CRACD: variants seen among roughly 807,000 people sequenced by gnomAD.
CRACD encodes the protein capping protein inhibiting regulator of actin dynamics, also known as capping protein-inhibiting regulator of actin dynamics.
In CRACD, 56 loss-of-function variants were observed where a neutral mutation model predicts 106.8. The ratio of observed to expected loss-of-function variants is 0.52; its 90% confidence interval spans 0.42 to 0.66. The LOEUF (loss-of-function observed/expected upper bound fraction) is 0.66. CRACD is among the 30% of genes least tolerant of loss of function. CRACD has a pLI of 0.00. For synonymous variants in CRACD, 754 were observed against 670.8 expected, an observed-to-expected ratio of 1.12 and a Z score of -1.92; for missense variants, 1,730 against 1,623.2, an observed-to-expected ratio of 1.07 and a Z score of -1.13.
chr4:56,058,874 G>T (rs1233423466), intron 1 of CRACD, among the ~76,000 whole-genome samples: 3 of 152,072 alleles, frequency 2.0e-5, no homozygotes, highest in Non-Finnish European at 4.4e-5. Context: ...TTTTGTCAGG[G>T]AACCTCCGAC....
In CRACD at chr4:56,323,578, T is replaced by G. The variant is rs1746245512; in HGVS notation, c.3378+11T>G. 6.5e-7 allele frequency: 1 copy of G among 1,541,680 alleles called. No homozygotes were observed. ...CTCTCCAAAGAAAATGTGAGTAGCC[T>G]GGGCTTCAGCTGTGATTTTGCTTTC... On this transcript the variant is annotated intron_variant, in intron 9 of 10. Transcript: ENST00000682029.
chr4:56,216,752 G>A (rs1292937381), intron 2 of CRACD, among the ~76,000 whole-genome samples: 11 of 151,478 alleles, frequency 7.3e-5, no homozygotes, highest in East Asian at 1.9e-4. Context: ...AGGCCGAGGC[G>A]GGTGGATCAT....
At chr4:56,060,941 C>G (rs866259389) in intron 1 of CRACD, among the ~76,000 whole-genome samples, 16 of 152,150 alleles carry the variant, frequency 1.1e-4, no homozygotes, top group Non-Finnish European at 1.2e-4. Context: ...ACTTCCCAGC[C>G]TCCAGAACTG....
At chr4:56,124,595 A>G (rs905440887) in intron 1 of CRACD, among the ~76,000 whole-genome samples, 1 of 152,192 alleles carries the variant, frequency 6.6e-6, no homozygotes, top group Non-Finnish European at 1.5e-5. Flanking sequence ...TCTATTTTAT[A>G]GATGTCTTTT....
chr4:56,065,692 T>C (rs988077580), intron 1 of CRACD, among the ~76,000 whole-genome samples: 4 of 152,192 alleles, frequency 2.6e-5, no homozygotes, highest in African/African-American at 9.7e-5. Context: ...ATACATGACA[T>C]ACACTTTACT....
chr4:56,313,455 T>C (rs1745290632), intron 7 of CRACD, 76 bp downstream of exon 7: 4 of 1,368,196 alleles, frequency 2.9e-6, no homozygotes, highest in Admixed American at 2.0e-5. Context: ...TGGGTTGGCA[T>C]TGGGGTGGAG....
intron 1 of CRACD, among the ~76,000 whole-genome samples, chr4:56,137,073 C>A (rs992198095): frequency 3.3e-5 from 5 of 152,082 alleles, no homozygotes; most frequent in Non-Finnish European, 7.4e-5. Context: ...TTTCATTCAT[C>A]TGTAGGTCTG....
At chr4:56,243,320 C>G (rs1740479036) in intron 2 of CRACD, among the ~76,000 whole-genome samples, 1 of 152,146 alleles carries the variant, frequency 6.6e-6, no homozygotes, top group African/African-American at 2.4e-5. Context: ...AGTGATCAAC[C>G]AAAGATCAAG....
At chr4:56,063,228 C>T (rs1732342414) in intron 1 of CRACD, among the ~76,000 whole-genome samples, 1 of 151,698 alleles carries the variant, frequency 6.6e-6, no homozygotes, top group Non-Finnish European at 1.5e-5. Context: ...GGGCCATGCT[C>T]TGTTGCCCAG....
intron 5 of CRACD, among the ~76,000 whole-genome samples, chr4:56,310,029 A>G (rs1167145710): frequency 6.6e-6 from 1 of 151,610 alleles, no homozygotes; most frequent in Non-Finnish European, 1.5e-5. Context: ...AAAAAAAAAA[A>G]AAAAGAAAAA....
intron 2 of CRACD, among the ~76,000 whole-genome samples, chr4:56,209,826 C>T (rs1738311881): frequency 6.6e-6 from 1 of 152,088 alleles, no homozygotes; most frequent in Admixed American, 6.5e-5. Flanking sequence ...GACACAGGTA[C>T]CCTCCCTAAT....
At chr4:56,186,262 T>C (rs1319491393) in intron 2 of CRACD, among the ~76,000 whole-genome samples, 1 of 152,196 alleles carries the variant, frequency 6.6e-6, no homozygotes, top group South Asian at 2.1e-4. Flanking sequence ...GGTGTAGTGC[T>C]AGTGGTTCAG....
At chr4:56,166,572 C>G (rs188587017) in intron 1 of CRACD, among the ~76,000 whole-genome samples, 1 of 146,942 alleles carries the variant, frequency 6.8e-6, no homozygotes, top group Non-Finnish European at 1.5e-5. Context: ...CCCAGCAACT[C>G]GGGAGGCTGA....
At chr4:56,307,783 G>A in intron 5 of CRACD, 84 bp downstream of exon 5, 2 of 1,418,860 alleles carry the variant, frequency 1.4e-6, no homozygotes, top group African/African-American at 1.4e-5. Context: ...GTCTGCAGCA[G>A]GGGAATTAGA....
At chr4:56,191,391 TCCTC>T (rs1199422442) in intron 2 of CRACD, among the ~76,000 whole-genome samples, 3 of 150,574 alleles carry the variant, frequency 2.0e-5, no homozygotes, top group Non-Finnish European at 3.0e-5. Context: ...CTCCCTCCCT[TCCTC>T]CCTCCCTCCC....
chr4:56,158,399 A>ATT (rs1560466980), intron 1 of CRACD, among the ~76,000 whole-genome samples: 17 of 146,356 alleles, frequency 1.2e-4, no homozygotes, highest in Admixed American at 4.1e-4. Flanking sequence ...TTTTTTTTAA[A>ATT]AATAATTCCT....
intron 1 of CRACD, among the ~76,000 whole-genome samples, chr4:56,097,108 G>A (rs1288943982): frequency 1.3e-5 from 2 of 152,128 alleles, no homozygotes; most frequent in Non-Finnish European, 2.9e-5. Context: ...CAAGGAAACA[G>A]ACGTGCCATC....
intron 2 of CRACD, among the ~76,000 whole-genome samples, chr4:56,204,926 G>A (rs1738048938): frequency 6.6e-6 from 1 of 151,940 alleles, no homozygotes; most frequent in African/African-American, 2.4e-5. Flanking sequence ...TTGGTAGGCC[G>A]AGGCGGGAGG....
intron 1 of CRACD, among the ~76,000 whole-genome samples, chr4:56,072,574 C>G (rs978945163): frequency 1.4e-4 from 21 of 152,126 alleles, no homozygotes; most frequent in African/African-American, 5.1e-4. Flanking sequence ...TCACTGCTAT[C>G]TAATTCTAGA....
Sources: gnomAD v4.1 joint callset for allele counts (sites outside exome capture counted in the v4.1 genomes callset) on GRCh38, gnomAD v4.1.1 for gene constraint, MANE v1.5 for transcripts, NCBI Gene and HGNC (gene_info 2026-07-23, HGNC 2026-07-21) for gene names.